MAP2K2: variants seen among roughly 807,000 people sequenced by gnomAD.
MAP2K2 encodes the protein dual specificity mitogen-activated protein kinase kinase 2.
Under a neutral mutation model 43.7 loss-of-function variants are expected in MAP2K2, and 24 were observed. The observed-to-expected ratio is 0.55, with a 90% CI of 0.40 to 0.77. MAP2K2 has a LOEUF of 0.77. Ranked by LOEUF, MAP2K2 falls within the 30% of genes least tolerant of loss-of-function variation. The probability of loss-of-function intolerance (pLI) is 0.00; values close to 1 mark genes in which losing one functional copy is unlikely to be tolerated. For missense variants in MAP2K2, 470 were observed against 566.8 expected (o/e 0.83, Z 1.73); for synonymous variants, 244 against 239.7 (o/e 1.02, Z -0.17).
At chr19:4,118,080 G>A (rs945631065) in intron 1 of MAP2K2, among the ~76,000 whole-genome samples, 1 of 152,136 alleles carries the variant, frequency 6.6e-6, no homozygotes, top group Non-Finnish European at 1.5e-5. Context: ...TGAGATTACA[G>A]GCTCCCGCCA....
At position 4,102,767 on chromosome 19, in the gene MAP2K2, C is replaced by T. The variant is rs185773468; in HGVS notation, c.451-314G>A. 180 of 1,277,540 alleles carry T rather than the reference C, an allele frequency of 1.4e-4. No individual in the cohort carries two copies. In the African/African-American group the frequency reaches 2.2e-3, roughly 16 times the overall value. The allele number at this position is 1,277,540 out of a possible 1,614,324, so 79.1% of individuals were successfully genotyped here. On this transcript the variant is annotated intron_variant, in intron 3 of 10. Transcript: ENST00000262948. ...GGCTCTGCTCCGGGCCAGCCCAAGC[C>T]GCGGCCGGGGGCTCAGGCAGCTGTG...
chr19:4,102,539 T>C, intron 3 of MAP2K2, 86 bp from the exon 4 acceptor site: 1 of 1,096,072 alleles, frequency 9.1e-7, no homozygotes, highest in Middle Eastern at 2.0e-4. Flanking sequence ...GGCGAGGGGG[T>C]GGTCTGCCTC....
intron 2 of MAP2K2, among the ~76,000 whole-genome samples, chr19:4,113,307 C>A (rs557440550): frequency 6.6e-6 from 1 of 152,216 alleles, no homozygotes; most frequent in East Asian, 1.9e-4. Flanking sequence ...GCGGCTGCGG[C>A]GTGATCTCAG....
At chr19:4,107,175 C>A (rs1240220971) in intron 3 of MAP2K2, among the ~76,000 whole-genome samples, 1 of 150,466 alleles carries the variant, frequency 6.6e-6, no homozygotes, top group East Asian at 2.0e-4. Context: ...GCGGGAGAAT[C>A]GTTTGAGCCC....
intron 2 of MAP2K2, among the ~76,000 whole-genome samples, chr19:4,112,810 G>A (rs2041171316): frequency 1.3e-5 from 2 of 152,226 alleles, no homozygotes; most frequent in African/African-American, 4.8e-5. Context: ...ACCCCAGGAT[G>A]CTCTCCCCTC....
At chr19:4,111,136 G>A (rs1172910069) in intron 2 of MAP2K2, among the ~76,000 whole-genome samples, 2 of 152,190 alleles carry the variant, frequency 1.3e-5, no homozygotes, top group African/African-American at 4.8e-5. Flanking sequence ...GGCTGGAGGA[G>A]GGGATGGGGG....
At chr19:4,121,927 C>T (rs1288993998) in intron 1 of MAP2K2, among the ~76,000 whole-genome samples, 1 of 132,500 alleles carries the variant, frequency 7.5e-6, no homozygotes, top group Non-Finnish European at 1.6e-5. Context: ...CTGGGAGCCC[C>T]CTGTCCTCCC....
At chr19:4,117,095 G>T (rs924995622) in intron 2 of MAP2K2, among the ~76,000 whole-genome samples, 3 of 152,190 alleles carry the variant, frequency 2.0e-5, no homozygotes, top group Admixed American at 6.5e-5. Context: ...CGTCTTCATC[G>T]CTTGTTTCTC....
At chr19:4,098,178 C>G (rs546137932) in intron 7 of MAP2K2, among the ~76,000 whole-genome samples, 1 of 152,308 alleles carries the variant, frequency 6.6e-6, no homozygotes, top group African/African-American at 2.4e-5. Flanking sequence ...ACACTGCGCT[C>G]CAGGAGAGAA....
chr19:4,099,856 A>G (rs2040976057), intron 6 of MAP2K2: 2 of 234,700 alleles, frequency 8.5e-6, no homozygotes, highest in Non-Finnish European at 1.7e-5. Flanking sequence ...CCATGCCTGT[A>G]ATCCCAGCAC....
At chr19:4,114,351 C>T (rs1223317756) in intron 2 of MAP2K2, among the ~76,000 whole-genome samples, 1 of 152,176 alleles carries the variant, frequency 6.6e-6, no homozygotes, top group African/African-American at 2.4e-5. Flanking sequence ...GTGTTGGCAG[C>T]GGCTTCGACT....
rs140556662 is a variant in MAP2K2, at chr19:4,110,469, G to A, written c.450+40C>T. ...CCTTCTCCCCAACATGCTCTGTTCCGTGGAGGCCCTGCCCCTGCCCCTGCC... is the reference window on the plus strand; with the variant it reads ...CCTTCTCCCCAACATGCTCTGTTCCATGGAGGCCCTGCCCCTGCCCCTGCC... On this transcript the variant is annotated intron_variant, in intron 3 of 10. Coordinates refer to ENST00000262948, the MANE Select transcript of MAP2K2 (RefSeq NM_030662.4). 1.0e-3 allele frequency: 1,666 copies of A among 1,609,266 alleles called. 12 individuals are homozygous for A. In the African/African-American group the frequency reaches 0.019, roughly 18 times the overall value.
chr19:4,101,335 G>A lies in MAP2K2; in HGVS notation c.529-55C>T. ...ACAAGGCCACCAGGGCTTAGCTCCT[G>A]ACCGAGCCCGGGGGTCAGAGCTGAG... is the stretch of plus-strand genomic sequence containing the variant. On this transcript the variant is annotated intron_variant, in intron 4 of 10. Transcript: ENST00000262948. The surrounding 1 kb of genome is among the most constrained non-coding windows in gnomAD (Gnocchi z 6.3). 1.3e-6 allele frequency: 2 copies of A among 1,539,914 alleles called. No homozygotes were observed. Among genetic ancestry groups the A allele is most frequent in the Non-Finnish European group, 8.8e-7 (1 of 1,136,466 alleles).
chr19:4,124,071 C>T lies in MAP2K2; in HGVS notation c.-196G>A, dbSNP rs2041339728. On this transcript the variant is annotated 5_prime_UTR_variant, in exon 1 of 11. Transcript: ENST00000262948. ...CGCTGGGGCTGAGGCGAGCGAGCCGCTACCGCTGCCGAGGCCCGAAGAAGG... is the reference window on the plus strand; with the variant it reads ...CGCTGGGGCTGAGGCGAGCGAGCCGTTACCGCTGCCGAGGCCCGAAGAAGG... 4.7e-6 allele frequency: 1 copy of T among 211,032 alleles called. No individual in the cohort carries two copies. Among genetic ancestry groups the T allele is most frequent in the Admixed American group, 5.9e-5 (1 of 16,946 alleles). 13.1% of individuals were successfully genotyped at this position (211,032 alleles called of 1,614,324 possible).
At position 4,101,191 on chromosome 19, in the gene MAP2K2, G is replaced by A. The variant is rs760177186; in HGVS notation, c.580+38C>T. On this transcript the variant is annotated intron_variant, in intron 5 of 10. Transcript: ENST00000262948. The surrounding 1 kb of genome is among the most constrained non-coding windows in gnomAD (Gnocchi z 6.3). ...GAGGGGCGCCCAACAGTTGCCTGCC[G>A]GCCCCCGGGGCTCTGGGGAGGGCGG... The A allele has an allele frequency of 1.3e-5, 20 of 1,595,268 alleles. No individual in the cohort carries two copies. Among genetic ancestry groups the A allele is most frequent in the African/African-American group, 5.4e-5 (4 of 74,472 alleles).
At position 4,101,207 on chromosome 19, in the gene MAP2K2, G is replaced by C. The variant is rs1199668455; in HGVS notation, c.580+22C>G. 6.3e-7 allele frequency: 1 copy of C among 1,592,930 alleles called. No homozygotes were observed. The highest frequency in any genetic ancestry group is 1.3e-5 in the African/African-American group (1 of 74,494). On this transcript the variant is annotated intron_variant, in intron 5 of 10. Coordinates refer to ENST00000262948, the MANE Select transcript of MAP2K2 (RefSeq NM_030662.4). This position sits in a 1 kb window ranked among gnomAD's most constrained non-coding sequence, Gnocchi z 6.3. ...TTGCCTGCCGGCCCCCGGGGCTCTG[G>C]GGAGGGCGGGCTGGGCCTTACCTCG...
intron 10 of MAP2K2, among the ~76,000 whole-genome samples, chr19:4,091,173 G>A (rs1206466878): frequency 6.6e-6 from 1 of 152,176 alleles, no homozygotes; most frequent in Non-Finnish European, 1.5e-5. Context: ...GGGTCCCCCG[G>A]AGCAGGACAG....
intron 2 of MAP2K2, among the ~76,000 whole-genome samples, chr19:4,112,559 G>A (rs981993941): frequency 3.3e-5 from 5 of 152,180 alleles, no homozygotes; most frequent in Admixed American, 2.6e-4. Flanking sequence ...GTGACCTTGA[G>A]AAGCATGGCA....
intron 2 of MAP2K2, among the ~76,000 whole-genome samples, chr19:4,117,214 CTG>C (rs1157966574): frequency 1.3e-5 from 2 of 152,184 alleles, no homozygotes; most frequent in East Asian, 1.9e-4. Flanking sequence ...GAGGGCACAG[CTG>C]TGTGTGGCTG....
Sources: allele counts gnomAD v4.1 joint callset (sites outside exome capture counted in the v4.1 genomes callset), GRCh38; gene constraint gnomAD v4.1.1; non-coding constraint Gnocchi (gnomAD v3.1); transcripts MANE v1.5; gene names NCBI Gene and HGNC (gene_info 2026-07-23, HGNC 2026-07-21).